The following TMEM97 variants were observed in gnomAD, a reference collection of about 807,000 sequenced individuals.
TMEM97 encodes sigma intracellular receptor 2.
In TMEM97, 13 loss-of-function variants were observed where a neutral mutation model predicts 18.3. That is an observed-to-expected ratio of 0.71 (90% CI 0.46 to 1.13). The LOEUF is 1.13. Among genes scored for constraint, TMEM97 ranks in the 50% most tolerant of loss-of-function variants. TMEM97 has a pLI of 0.00. For missense variants in TMEM97, 205 were observed against 210.5 expected (o/e 0.97, Z 0.16); for synonymous variants, 76 against 85.3 (o/e 0.89, Z 0.60).
Position 28,326,825 on chromosome 17 carries a change from C to T in TMEM97, c.*32C>T, listed in dbSNP as rs1906371365. 1 of 1,591,998 alleles carries T rather than the reference C, an allele frequency of 6.3e-7. No individual in the cohort carries two copies. On this transcript the variant is annotated 3_prime_UTR_variant, in exon 3 of 3. Transcript: ENST00000226230. Reference sequence around the variant, plus strand: ...CAACCACTGGCCCAGGGTAGAGATGCCTACAGGGTGGTTGCTTGTTGGATA... The same window carrying T: ...CAACCACTGGCCCAGGGTAGAGATGTCTACAGGGTGGTTGCTTGTTGGATA...
rs781942359 is a variant in TMEM97 at position 28,326,801 on chromosome 17, A to C, written c.*8A>C. ...AAAAGAAAAAAAAAATGAAGGAAAC[A>C]ACCACTGGCCCAGGGTAGAGATGCC... On this transcript the variant is annotated 3_prime_UTR_variant, in exon 3 of 3. Coordinates refer to ENST00000226230, the MANE Select transcript of TMEM97 (RefSeq NM_014573.3). 14 of 1,608,614 alleles carry C rather than the reference A, an allele frequency of 8.7e-6. No individual in the cohort carries two copies. Among genetic ancestry groups the C allele is most frequent in the East Asian group, 4.5e-5 (2 of 44,888 alleles).
In TMEM97 at chr17:28,325,606, A is replaced by G. The variant is rs782398406; in HGVS notation, c.230A>G (p.Gln77Arg). ...KSFLFCELVF[Q>R]LPFFPIATYA... is the part of the protein sequence containing the mutation. ...TTTCTGTTTTGCGAGCTTGTGTTTCAGCTGCCTTTCTTTCCCATTGCAACG... is the reference window on the plus strand; with the variant it reads ...TTTCTGTTTTGCGAGCTTGTGTTTCGGCTGCCTTTCTTTCCCATTGCAACG... Residue 77 changes from glutamine to arginine, a missense_variant, in exon 2 of 3, where the codon CAG (glutamine) becomes CGG (arginine). Coordinates refer to ENST00000226230, the MANE Select transcript of TMEM97 (RefSeq NM_014573.3). The G allele has an allele frequency of 1.2e-6, 2 of 1,614,114 alleles. No homozygotes were observed. Among genetic ancestry groups the G allele is most frequent in the Admixed American group, 1.7e-5 (1 of 60,006 alleles).
At chr17:28,322,941 C>T (rs1555575056) in intron 1 of TMEM97, among the ~76,000 whole-genome samples, 1 of 152,192 alleles carries the variant, frequency 6.6e-6, no homozygotes, top group South Asian at 2.1e-4. Flanking sequence ...TGAATATCTC[C>T]AAATATGTAT....
chr17:28,325,915 C>CTTG (rs1906316207), intron 2 of TMEM97: 2 of 481,534 alleles, frequency 4.2e-6, no homozygotes, highest in Non-Finnish European at 7.3e-6. Context: ...AAACAATGAG[C>CTTG]TTGTTCCCTT....
In TMEM97 at chr17:28,328,342, A is replaced by AT. The variant is rs1555575843; in HGVS notation, c.*1552dup. On this transcript the variant is annotated 3_prime_UTR_variant, in exon 3 of 3. Transcript: ENST00000226230. Reference sequence around the variant, plus strand: ...TACATCAAGCCATTTGAAAACAAAAATTTATTGCTTCTCCTTCCAAAGCTT... The same window carrying AT: ...TACATCAAGCCATTTGAAAACAAAAATTTTATTGCTTCTCCTTCCAAAGCTT... The AT allele has an allele frequency of 3.7e-6, 1 of 267,170 alleles. No homozygotes were observed. Among genetic ancestry groups the AT allele is most frequent in the African/African-American group, 2.3e-5 (1 of 44,212 alleles). The allele number at this position is 267,170 out of a possible 1,614,324, so 16.5% of individuals were successfully genotyped here.
chr17:28,328,074 C>A lies in TMEM97; in HGVS notation c.*1281C>A, dbSNP rs1906443330. 6.5e-6 allele frequency: 1 copy of A among 153,072 alleles called. No homozygotes were observed. The highest frequency in any genetic ancestry group is 2.4e-5 in the African/African-American group (1 of 41,462). 9.5% of individuals were successfully genotyped at this position (153,072 alleles called of 1,614,324 possible). A position where few individuals can be genotyped will look rare whatever the true frequency, so the allele number is the denominator to read the frequency against. Reference sequence around the variant, plus strand: ...GGCATTCCATCAGCTTTCTCTAAGTCTTTGCTCAAGTTCAACCTTAAAATG... The same window carrying A: ...GGCATTCCATCAGCTTTCTCTAAGTATTTGCTCAAGTTCAACCTTAAAATG... On this transcript the variant is annotated 3_prime_UTR_variant, in exon 3 of 3. Transcript: ENST00000226230.
At chr17:28,320,389 T>G (rs1480222386) in intron 1 of TMEM97, among the ~76,000 whole-genome samples, 1 of 152,120 alleles carries the variant, frequency 6.6e-6, no homozygotes, top group African/African-American at 2.4e-5. Context: ...GTTCTACCAC[T>G]CCCATAAGTC....
In TMEM97 at chr17:28,328,675, C is replaced by T. The variant is rs982925150; in HGVS notation, c.*1882C>T. 1 of 1,604,380 alleles carries T rather than the reference C, an allele frequency of 6.2e-7. No individual in the cohort carries two copies. The highest frequency in any genetic ancestry group is 1.7e-5 in the Admixed American group (1 of 57,912). ...GTTCATTTCTGAAAAATAAATTGGT[C>T]AATAAATTCATTTTGTTCTGCTTCT... On this transcript the variant is annotated 3_prime_UTR_variant, in exon 3 of 3. Coordinates refer to ENST00000226230, the MANE Select transcript of TMEM97 (RefSeq NM_014573.3).
At chr17:28,323,288 T>G (rs1469447679) in intron 1 of TMEM97, among the ~76,000 whole-genome samples, 2 of 152,200 alleles carry the variant, frequency 1.3e-5, no homozygotes, top group Non-Finnish European at 2.9e-5. Flanking sequence ...TGATTGTTTT[T>G]TAAATTTTGC....
At chr17:28,321,800 C>CTGTGTGTGTGTGTGTGTGTGTGTGTG (rs538038865) in intron 1 of TMEM97, among the ~76,000 whole-genome samples, 2 of 132,208 alleles carry the variant, frequency 1.5e-5, no homozygotes, top group Non-Finnish European at 1.6e-5. Context: ...TGGCCAGAAC[C>CTGTGTGTGTGTGTGTGTGTGTGTGTG]TGTGTGTGTG....
chr17:28,320,309 C>A (rs1329185815), intron 1 of TMEM97, among the ~76,000 whole-genome samples: 4 of 152,186 alleles, frequency 2.6e-5, no homozygotes, highest in Admixed American at 2.6e-4. Context: ...TTGTTTCCTG[C>A]AAGGAGAATA....
Position 28,328,671 on chromosome 17 carries a change from T to C in TMEM97, c.*1878T>C. 6.2e-7 allele frequency: 1 copy of C among 1,604,156 alleles called. No homozygotes were observed. On this transcript the variant is annotated 3_prime_UTR_variant, in exon 3 of 3. Transcript: ENST00000226230. ...TTCAGTTCATTTCTGAAAAATAAAT[T>C]GGTCAATAAATTCATTTTGTTCTGC...
At position 28,328,569 on chromosome 17, in the gene TMEM97, C is replaced by T. The variant is rs529560028; in HGVS notation, c.*1776C>T. ...TTGTGACATAGGTCATTGGTCAAGC[C>T]GCTGGAATGCTACAGAGGTTTTTTT... On this transcript the variant is annotated 3_prime_UTR_variant, in exon 3 of 3. Coordinates refer to ENST00000226230, the MANE Select transcript of TMEM97 (RefSeq NM_014573.3). 10 of 833,458 alleles carry T rather than the reference C, an allele frequency of 1.2e-5. No homozygotes were observed. Among genetic ancestry groups the T allele is most frequent in the African/African-American group, 6.9e-5 (4 of 57,936 alleles). The allele number at this position is 833,458 out of a possible 1,614,324, so 51.6% of individuals were successfully genotyped here. A position where few individuals can be genotyped will look rare whatever the true frequency, so the allele number is the denominator to read the frequency against.
At position 28,327,146 on chromosome 17, in the gene TMEM97, G is replaced by T. The variant is rs1424084684; in HGVS notation, c.*353G>T. On this transcript the variant is annotated 3_prime_UTR_variant, in exon 3 of 3. Transcript: ENST00000226230. ...ATGGCTAATTTGTTTTGTTTTTTTT[G>T]TGTGTGTGGAGACAGGGTTTTGCCA... is the stretch of plus-strand genomic sequence containing the variant. 1.4e-5 allele frequency: 3 copies of T among 214,500 alleles called. No individual in the cohort carries two copies. The highest frequency in any genetic ancestry group is 1.9e-5 in the Non-Finnish European group (2 of 106,844). The allele number at this position is 214,500 out of a possible 1,614,324, so 13.3% of individuals were successfully genotyped here. A position where few individuals can be genotyped will look rare whatever the true frequency, so the allele number is the denominator to read the frequency against.
At chr17:28,322,536 G>A (rs538426792) in intron 1 of TMEM97, among the ~76,000 whole-genome samples, 3 of 152,230 alleles carry the variant, frequency 2.0e-5, no homozygotes, top group African/African-American at 4.8e-5. Context: ...GAACCACCAC[G>A]CCTGGCCTGG....
intron 1 of TMEM97, among the ~76,000 whole-genome samples, chr17:28,320,238 G>A (rs1407572477): frequency 6.6e-6 from 1 of 151,754 alleles, no homozygotes; most frequent in Non-Finnish European, 1.5e-5. Context: ...TATCTGCCGA[G>A]GAGGGGTTCT....
rs1906454823 is a variant in TMEM97, at chr17:28,328,256, A to T, written c.*1463A>T. ...TGGTTTGTTTTGTGGACTAGGGGAT[A>T]GAGAATCCAGGGTTCTCTCATGAGG... On this transcript the variant is annotated 3_prime_UTR_variant, in exon 3 of 3. Coordinates refer to ENST00000226230, the MANE Select transcript of TMEM97 (RefSeq NM_014573.3). 1 of 185,390 alleles carries T rather than the reference A, an allele frequency of 5.4e-6. No individual in the cohort carries two copies. Among genetic ancestry groups the T allele is most frequent in the Non-Finnish European group, 1.1e-5 (1 of 90,270 alleles). 11.5% of individuals were successfully genotyped at this position (185,390 alleles called of 1,614,324 possible).
chr17:28,323,770 G>T (rs2142157218), intron 1 of TMEM97, among the ~76,000 whole-genome samples: 1 of 152,354 alleles, frequency 6.6e-6, no homozygotes, highest in Non-Finnish European at 1.5e-5. Flanking sequence ...CACTTTGGGA[G>T]GCTGAAGCGA....
At position 28,325,574 on chromosome 17, in the gene TMEM97, T is replaced by G. The variant is rs782623803; in HGVS notation, c.198T>G (p.Phe66Leu). The G allele has an allele frequency of 6.2e-7, 1 of 1,614,232 alleles. No homozygotes were observed. The highest frequency in any genetic ancestry group is 1.1e-5 in the South Asian group (1 of 91,084). ...DPLLQEPPAW[F>L]KSFLFCELVF... ...TGCTACAGGAGCCCCCAGCCTGGTT[T>G]AAGTCCTTTCTGTTTTGCGAGCTTG... The change falls in exon 2 of 3, where the codon TTT (phenylalanine) becomes TTG (leucine). Residue 66 changes from phenylalanine to leucine, a missense_variant. By Grantham distance (22) the Phe-to-Leu change is conservative. Coordinates refer to ENST00000226230, the MANE Select transcript of TMEM97 (RefSeq NM_014573.3).
Sources: gnomAD v4.1 joint callset for allele counts (sites outside exome capture counted in the v4.1 genomes callset) on GRCh38, gnomAD v4.1.1 for gene constraint, MANE v1.5 for transcripts, NCBI Gene and HGNC (gene_info 2026-07-23, HGNC 2026-07-21) for gene names.